The following CUX2 variants were observed in gnomAD, a reference collection of about 807,000 sequenced individuals.
CUX2 encodes homeobox protein cut-like 2.
CUX2 carries 40 observed loss-of-function variants against 144.8 expected under a neutral mutation model. The observed-to-expected ratio is 0.28, with a 90% CI of 0.21 to 0.36. The LOEUF is 0.36. CUX2 is among the 10% of genes least tolerant of loss of function. CUX2 has a pLI of 1.00. For synonymous variants in CUX2, 827 were observed against 875.6 expected (o/e 0.94, Z 0.98); for missense variants, 1,615 against 1,994.0 (o/e 0.81, Z 3.62).
In CUX2 at chr12:111,039,085, G is replaced by A. The variant is rs1869608507; in HGVS notation, c.63+4845G>A. On this transcript the variant is annotated intron_variant, in intron 1 of 21. Transcript: ENST00000261726. This position sits in a 1 kb window ranked among gnomAD's most constrained non-coding sequence, Gnocchi z 4.2. Reference sequence around the variant, plus strand: ...GCACCTTGGCTAGTGCTAAATATATGGTCCTGGATGATGGTAGACAAGGCT... The same window carrying A: ...GCACCTTGGCTAGTGCTAAATATATAGTCCTGGATGATGGTAGACAAGGCT... Among the ~76,000 whole-genome samples, 1 of 151,998 alleles carries A rather than the reference G, an allele frequency of 6.6e-6. No individual in the cohort carries two copies. Among genetic ancestry groups the A allele is most frequent in the African/African-American group, 2.4e-5 (1 of 41,356 alleles).
rs889292408 is a variant in CUX2, at chr12:111,035,595, G to A, written c.63+1355G>A. On this transcript the variant is annotated intron_variant, in intron 1 of 21. Coordinates refer to ENST00000261726, the MANE Select transcript of CUX2 (RefSeq NM_015267.4). This position sits in a 1 kb window ranked among gnomAD's most constrained non-coding sequence, Gnocchi z 6.0. ...CGGAAGACGCGAGATCATCAGTCTGGAGATAAAAAGGGACCCACTTTTTTT... is the reference window on the plus strand; with the variant it reads ...CGGAAGACGCGAGATCATCAGTCTGAAGATAAAAAGGGACCCACTTTTTTT... Among the ~76,000 whole-genome samples, 11 of 145,532 alleles carry A rather than the reference G, an allele frequency of 7.6e-5. No homozygotes were observed. Among genetic ancestry groups the A allele is most frequent in the Non-Finnish European group, 1.5e-4 (10 of 67,234 alleles).
At chr12:111,284,347 T>C (rs1250896788) in intron 4 of CUX2, among the ~76,000 whole-genome samples, 1 of 152,160 alleles carries the variant, frequency 6.6e-6, no homozygotes, top group Non-Finnish European at 1.5e-5. Flanking sequence ...GCCATACGAC[T>C]TGTGCTCCTG....
At chr12:111,344,627 G>C (rs563350893) in intron 21 of CUX2, among the ~76,000 whole-genome samples, 1 of 152,306 alleles carries the variant, frequency 6.6e-6, no homozygotes, top group Non-Finnish European at 1.5e-5. Flanking sequence ...TGAGGGAGGT[G>C]GGGGAGAGCT....
chr12:111,129,765 A>G (rs898250866), intron 1 of CUX2, among the ~76,000 whole-genome samples: 2 of 152,190 alleles, frequency 1.3e-5, no homozygotes, highest in Admixed American at 1.3e-4. Flanking sequence ...TGTGGCTTTC[A>G]CTTGGCCTTT....
chr12:111,193,802 C>T (rs1015856454), intron 1 of CUX2, among the ~76,000 whole-genome samples: 36 of 152,086 alleles, frequency 2.4e-4, no homozygotes, highest in Non-Finnish European at 3.7e-4. Flanking sequence ...AAGCCGGCTG[C>T]GATGGGCAAA....
At chr12:111,226,274 A>T (rs950869550) in intron 3 of CUX2, among the ~76,000 whole-genome samples, 1 of 152,166 alleles carries the variant, frequency 6.6e-6, no homozygotes, top group African/African-American at 2.4e-5. Flanking sequence ...TGATAACAGA[A>T]TTCCTTTGAT....
intron 3 of CUX2, among the ~76,000 whole-genome samples, chr12:111,232,251 C>T (rs1268332267): frequency 6.6e-6 from 1 of 151,908 alleles, no homozygotes; most frequent in Admixed American, 6.6e-5. Context: ...CACAATGGTT[C>T]ACACCTGTAA....
Position 111,263,704 on chromosome 12 carries a change from G to T in CUX2, c.223-57G>T. On this transcript the variant is annotated intron_variant, in intron 3 of 21. Coordinates refer to ENST00000261726, the MANE Select transcript of CUX2 (RefSeq NM_015267.4). The surrounding 1 kb of genome is among the most constrained non-coding windows in gnomAD (Gnocchi z 4.0). ...GTGGAAAAAAAAAATGATGAAATTT[G>T]CTTGCAGACACAGATGCCATGGTTA... is the stretch of plus-strand genomic sequence containing the variant. 1 of 1,270,230 alleles carries T rather than the reference G, an allele frequency of 7.9e-7. No individual in the cohort carries two copies. Among genetic ancestry groups the T allele is most frequent in the Non-Finnish European group, 1.1e-6 (1 of 885,534 alleles). 78.7% of individuals were successfully genotyped at this position (1,270,230 alleles called of 1,614,324 possible).
chr12:111,170,289 A>AGTG (rs1349871695), intron 1 of CUX2, among the ~76,000 whole-genome samples: 1 of 151,976 alleles, frequency 6.6e-6, no homozygotes, highest in African/African-American at 2.4e-5. Context: ...ATTAGCCGGG[A>AGTG]GTGGTGGCAC....
At chr12:111,110,088 G>C (rs1389028736) in intron 1 of CUX2, among the ~76,000 whole-genome samples, 2 of 140,158 alleles carry the variant, frequency 1.4e-5, no homozygotes, top group East Asian at 4.1e-4. Context: ...TTGCTTTGTT[G>C]TCCAGGCTGG....
chr12:111,216,962 C>G (rs1202941415), intron 2 of CUX2, among the ~76,000 whole-genome samples: 3 of 152,188 alleles, frequency 2.0e-5, no homozygotes, highest in Non-Finnish European at 4.4e-5. Context: ...CCCTCAGTGC[C>G]TCCCATGGGG....
In CUX2 at chr12:111,304,290, C is replaced by T. The variant is rs762322484; in HGVS notation, c.834C>T (p.Cys278=). 1 of 1,613,834 alleles carries T rather than the reference C, an allele frequency of 6.2e-7. No individual in the cohort carries two copies. Among genetic ancestry groups the T allele is most frequent in the South Asian group, 1.1e-5 (1 of 90,958 alleles). Reference sequence around the variant, plus strand: ...TCAACAGCTCCATCCGCCTGGCTTGCTGCTCTCCCCAGGGGCCCAGTGGGG... The same window carrying T: ...TCAACAGCTCCATCCGCCTGGCTTGTTGCTCTCCCCAGGGGCCCAGTGGGG... ...ASVNSSIRLA[C]CSPQGPSGDK... The change falls in exon 10 of 22, where the codon TGC becomes TGT. Residue 278 remains cysteine, a synonymous_variant. Transcript: ENST00000261726. The surrounding 1 kb of genome is among the most constrained non-coding windows in gnomAD (Gnocchi z 4.7).
At chr12:111,319,863 G>A in intron 16 of CUX2, 149 bp from the exon 17 acceptor site, 1 of 1,233,590 alleles carries the variant, frequency 8.1e-7, no homozygotes, top group African/African-American at 1.6e-5. Context: ...CACAGGGAGG[G>A]ATCATAATTT....
chr12:111,155,313 A>G (rs1024264454), intron 1 of CUX2, among the ~76,000 whole-genome samples: 2 of 152,186 alleles, frequency 1.3e-5, no homozygotes, highest in Non-Finnish European at 2.9e-5. Context: ...GAATGAATGG[A>G]AAAAAAGAGT....
chr12:111,260,756 C>T (rs1169888010), intron 3 of CUX2, among the ~76,000 whole-genome samples: 1 of 152,144 alleles, frequency 6.6e-6, no homozygotes, highest in Non-Finnish European at 1.5e-5. Context: ...AGGGGGTGCT[C>T]TAGGCAGGGA....
chr12:111,138,452 G>A (rs77639848), intron 1 of CUX2, among the ~76,000 whole-genome samples: 2 of 152,066 alleles, frequency 1.3e-5, no homozygotes, highest in African/African-American at 4.8e-5. Flanking sequence ...CCAGAGGGTC[G>A]CAGCTCCATG....
At position 111,295,563 on chromosome 12, in the gene CUX2, G is replaced by A. The variant is rs1206160089; in HGVS notation, c.637+154G>A. On this transcript the variant is annotated intron_variant, in intron 7 of 21. Transcript: ENST00000261726. The surrounding 1 kb of genome is among the most constrained non-coding windows in gnomAD (Gnocchi z 5.0). ...GGGAAGAATAATCTTACCCAGTGGG[G>A]GGCTGAGCCTCTATGCCCCAGAGGC... Among the ~76,000 whole-genome samples the A allele has an allele frequency of 6.6e-6, 1 of 152,100 alleles. No individual in the cohort carries two copies. Among genetic ancestry groups the A allele is most frequent in the Non-Finnish European group, 1.5e-5 (1 of 68,018 alleles).
Position 111,160,028 on chromosome 12 carries a change from C to A in CUX2, c.64-54172C>A, listed in dbSNP as rs1295140610. On this transcript the variant is annotated intron_variant, in intron 1 of 21. Transcript: ENST00000261726. This position sits in a 1 kb window ranked among gnomAD's most constrained non-coding sequence, Gnocchi z 4.1. ...CGACAAAGTGAGACTATCTTAAAAACAAAACAAAACAACAACTACAAAAAA... is the reference window on the plus strand; with the variant it reads ...CGACAAAGTGAGACTATCTTAAAAAAAAAACAAAACAACAACTACAAAAAA... 6.6e-6 allele frequency among the ~76,000 whole-genome samples: 1 copy of A among 152,058 alleles called. No individual in the cohort carries two copies. The highest frequency in any genetic ancestry group is 1.5e-5 in the Non-Finnish European group (1 of 68,004).
At chr12:111,054,395 G>A (rs749431161) in intron 1 of CUX2, among the ~76,000 whole-genome samples, 1 of 152,182 alleles carries the variant, frequency 6.6e-6, no homozygotes, top group African/African-American at 2.4e-5. Flanking sequence ...TTTGTGACTG[G>A]TGTGGAGGTG....
Sources: allele counts gnomAD v4.1 joint callset (sites outside exome capture counted in the v4.1 genomes callset), GRCh38; gene constraint gnomAD v4.1.1; non-coding constraint Gnocchi (gnomAD v3.1); transcripts MANE v1.5; gene names NCBI Gene and HGNC (gene_info 2026-07-23, HGNC 2026-07-21).